LDLRAD4: variants seen among roughly 807,000 people sequenced by gnomAD.
LDLRAD4 encodes low density lipoprotein receptor class A domain containing 4, also known as low-density lipoprotein receptor class A domain-containing protein 4.
A neutral mutation model predicts 17.0 loss-of-function variants in LDLRAD4; 5 were observed. The observed-to-expected ratio is 0.29, with a 90% CI of 0.15 to 0.62. The LOEUF is 0.62. Ranked by LOEUF, LDLRAD4 falls within the 20% of genes least tolerant of loss-of-function variation. The pLI, the probability that LDLRAD4 is intolerant of heterozygous loss-of-function variation, is 0.84. For missense variants in LDLRAD4, 340 were observed against 424.7 expected (o/e 0.80, Z 1.75); for synonymous variants, 168 against 171.8 (o/e 0.98, Z 0.17).
intron 1 of LDLRAD4, among the ~76,000 whole-genome samples, chr18:13,258,439 TTGAAA>T (rs1341205944): frequency 6.6e-6 from 1 of 152,206 alleles, no homozygotes; most frequent in Non-Finnish European, 1.5e-5. Context: ...GTGAAAACAC[TTGAAA>T]TGAGATGCCT....
intron 1 of LDLRAD4, among the ~76,000 whole-genome samples, chr18:13,287,571 G>A (rs1481730416): frequency 3.3e-5 from 5 of 152,282 alleles, no homozygotes; most frequent in African/African-American, 4.8e-5. Flanking sequence ...CTACGACGGC[G>A]CCACCCTATG....
At chr18:13,599,713 G>T (rs528327237) in intron 3 of LDLRAD4, among the ~76,000 whole-genome samples, 32 of 151,960 alleles carry the variant, frequency 2.1e-4, no homozygotes, top group African/African-American at 7.0e-4. Context: ...GGATGGTCTC[G>T]ATCTCCTGAC....
chr18:13,493,793 C>T (rs1437124958), intron 3 of LDLRAD4, among the ~76,000 whole-genome samples: 1 of 152,170 alleles, frequency 6.6e-6, no homozygotes, highest in African/African-American at 2.4e-5. Flanking sequence ...CACAGAACAG[C>T]AGAGGGAGGC....
intron 3 of LDLRAD4, among the ~76,000 whole-genome samples, chr18:13,571,179 T>C (rs2094685642): frequency 6.6e-6 from 1 of 152,188 alleles, no homozygotes; most frequent in South Asian, 2.1e-4. Context: ...CCCATATGCC[T>C]GGCCAGGCAG....
At chr18:13,433,798 G>C (rs1250069531) in intron 2 of LDLRAD4, among the ~76,000 whole-genome samples, 1 of 151,986 alleles carries the variant, frequency 6.6e-6, no homozygotes, top group African/African-American at 2.4e-5. Flanking sequence ...TTTTTCAAAG[G>C]TTATAAAATA....
intron 1 of LDLRAD4, among the ~76,000 whole-genome samples, chr18:13,224,742 A>C (rs1364980327): frequency 6.6e-6 from 1 of 151,488 alleles, no homozygotes; most frequent in Non-Finnish European, 1.5e-5. Context: ...GGCCTCCCAA[A>C]GTGCTGAGAT....
chr18:13,599,639 C>T (rs370155780), intron 3 of LDLRAD4, among the ~76,000 whole-genome samples: 7 of 151,846 alleles, frequency 4.6e-5, no homozygotes, highest in African/African-American at 1.5e-4. Context: ...TACAGGCGCC[C>T]GCCACCACAC....
chr18:13,355,203 C>A (rs2083267977), intron 1 of LDLRAD4, among the ~76,000 whole-genome samples: 1 of 152,204 alleles, frequency 6.6e-6, no homozygotes, highest in African/African-American at 2.4e-5. Flanking sequence ...TTAATCAGAT[C>A]TTACTAATTT....
At chr18:13,443,305 C>A (rs575547345) in intron 3 of LDLRAD4, among the ~76,000 whole-genome samples, 1 of 152,270 alleles carries the variant, frequency 6.6e-6, no homozygotes, top group African/African-American at 2.4e-5. Flanking sequence ...GCTATGACTG[C>A]CCTCCTTCCC....
chr18:13,370,108 C>G (rs982113801), intron 1 of LDLRAD4, among the ~76,000 whole-genome samples: 3 of 152,252 alleles, frequency 2.0e-5, no homozygotes, highest in African/African-American at 7.2e-5. Flanking sequence ...GGAGCTGTGT[C>G]CATAGCAAAG....
At chr18:13,635,467 G>C (rs1274427011) in intron 4 of LDLRAD4, among the ~76,000 whole-genome samples, 1 of 152,158 alleles carries the variant, frequency 6.6e-6, no homozygotes, top group Non-Finnish European at 1.5e-5. Flanking sequence ...AAAAAATTCA[G>C]TCACTGTGCT....
At chr18:13,646,532 T>G (rs2043022836) in exon 6 of LDLRAD4, 2 of 152,334 alleles carry the variant, frequency 1.3e-5, no homozygotes, top group African/African-American at 4.8e-5. Flanking sequence ...ATTTCTGACT[T>G]GTTATTTTGA....
At chr18:13,629,174 T>A (rs1468209735) in intron 4 of LDLRAD4, among the ~76,000 whole-genome samples, 3 of 152,306 alleles carry the variant, frequency 2.0e-5, no homozygotes, top group East Asian at 1.9e-4. Flanking sequence ...TCAAGGGAAA[T>A]TTTTTAAAAG....
intron 1 of LDLRAD4, among the ~76,000 whole-genome samples, chr18:13,350,438 G>A (rs1372364201): frequency 6.6e-6 from 1 of 152,206 alleles, no homozygotes; most frequent in Non-Finnish European, 1.5e-5. Flanking sequence ...CTTTTGAGAA[G>A]TGTCTGTTCA....
intron 3 of LDLRAD4, among the ~76,000 whole-genome samples, chr18:13,573,069 G>T (rs77838352): frequency 0.11 from 17,501 of 152,194 alleles, 1,100 homozygotes; most frequent in Non-Finnish European, 0.14. Context: ...GCTCTGAAAG[G>T]TTTGTTCTCC....
intron 3 of LDLRAD4, among the ~76,000 whole-genome samples, chr18:13,582,196 C>T (rs1018989176): frequency 6.6e-6 from 1 of 152,192 alleles, no homozygotes; most frequent in African/African-American, 2.4e-5. Flanking sequence ...CTAAAGCAGT[C>T]GGCACAGGGC....
intron 2 of LDLRAD4, among the ~76,000 whole-genome samples, chr18:13,405,054 C>G (rs2087601721): frequency 6.6e-6 from 1 of 151,722 alleles, no homozygotes; most frequent in Non-Finnish European, 1.5e-5. Context: ...CACGGATCCC[C>G]TAAGGGAAGC....
At chr18:13,635,761 G>T (rs1396382304) in intron 4 of LDLRAD4, among the ~76,000 whole-genome samples, 2 of 152,222 alleles carry the variant, frequency 1.3e-5, no homozygotes, top group Admixed American at 6.5e-5. Context: ...AATAAGTCTG[G>T]ATTCAGTAGA....
At chr18:13,547,063 G>A (rs533119897) in intron 3 of LDLRAD4, among the ~76,000 whole-genome samples, 1 of 152,294 alleles carries the variant, frequency 6.6e-6, no homozygotes, top group East Asian at 1.9e-4. Context: ...ATTGCAGTGG[G>A]CCCCGATGTT....
Sources: allele counts gnomAD v4.1 joint callset (sites outside exome capture counted in the v4.1 genomes callset), GRCh38; gene constraint gnomAD v4.1.1; transcripts MANE v1.5; gene names NCBI Gene and HGNC (gene_info 2026-07-23, HGNC 2026-07-21).